Variants in ITPRIPL1 observed in about 807,000 individuals in gnomAD.
The protein encoded by ITPRIPL1 is inositol 1,4,5-trisphosphate receptor-interacting protein-like 1.
Under a neutral mutation model 40.0 loss-of-function variants are expected in ITPRIPL1, and 28 were observed. The observed-to-expected ratio is 0.70, with a 90% CI of 0.52 to 0.96. The LOEUF (loss-of-function observed/expected upper bound fraction) is 0.96. Among genes scored for constraint, ITPRIPL1 ranks in the 40% least tolerant of loss-of-function variants. The probability of loss-of-function intolerance (pLI) is 0.00; values close to 1 mark genes in which losing one functional copy is unlikely to be tolerated. For missense variants in ITPRIPL1, 638 were observed against 698.0 expected (o/e 0.91, Z 0.97); for synonymous variants, 251 against 275.7 (o/e 0.91, Z 0.89).
Position 96,328,084 on chromosome 2 carries a change from C to T in ITPRIPL1, c.1453C>T (p.Leu485Phe), listed in dbSNP as rs747466465. The T allele has an allele frequency of 1.2e-6, 2 of 1,614,068 alleles. No homozygotes were observed. The highest frequency in any genetic ancestry group is 1.3e-5 in the African/African-American group (1 of 74,916). Residue 485 changes from leucine (L) to phenylalanine (F), a missense_variant, in exon 3 of 3, where the codon CTC becomes TTC. Coordinates refer to ENST00000439118, the MANE Select transcript of ITPRIPL1 (RefSeq NM_001008949.3). ...CATTCTCTGGTTCTTGGGCCGTGGC[C>T]TCCAGCAAAGGTCCCTCCATCATTT... ...QDILWFLGRG[L>F]QQRSLHHFLI...
Position 96,328,276 on chromosome 2 carries a change from G to T in ITPRIPL1, c.1645G>T (p.Ala549Ser). 1 of 1,613,232 alleles carries T rather than the reference G, an allele frequency of 6.2e-7. No homozygotes were observed. Among genetic ancestry groups the T allele is most frequent in the Non-Finnish European group, 8.5e-7 (1 of 1,179,542 alleles). Residue 549 changes from alanine to serine, a missense_variant, in exon 3 of 3, where the codon GCC becomes TCC. By Grantham distance (99) the Ala-to-Ser change is moderately conservative. Transcript: ENST00000439118. ...LLTQVKTLPH[A>S]PLAAAP is the part of the protein sequence containing the mutation. The stretch of plus-strand genomic sequence containing the variant: ...GACCCAGGTGAAAACTCTGCCTCAT[G>T]CCCCACTGGCTGCAGCACCTTGATG...
downstream of ITPRIPL1, chr2:96,330,437 C>T (rs1573051697): frequency 6.6e-6 from 1 of 152,072 alleles, no homozygotes; most frequent in South Asian, 2.1e-4. Context: ...GCAACATTCA[C>T]ATACTTTTTG....
At chr2:96,326,370 A>G (rs1453412885) in intron 2 of ITPRIPL1, 4 of 1,511,926 alleles carry the variant, frequency 2.6e-6, no homozygotes, top group Non-Finnish European at 3.5e-6. Flanking sequence ...AAACAGTCCC[A>G]TGTACACTTT....
At chr2:96,330,261 A>C (rs1001843075), downstream of ITPRIPL1, 2 of 149,900 alleles carry the variant, frequency 1.3e-5, no homozygotes, top group Non-Finnish European at 3.0e-5. Context: ...AAAAAAAAAA[A>C]AAAAAAAAAA....
downstream of ITPRIPL1, chr2:96,329,450 G>C (rs186348589): frequency 7.9e-5 from 12 of 151,964 alleles, no homozygotes; most frequent in Admixed American, 3.3e-4. Flanking sequence ...TGGGGGCTCT[G>C]AGATGAATAA....
At position 96,327,570 on chromosome 2, in the gene ITPRIPL1, A is replaced by C; in HGVS notation, c.939A>C (p.Leu313=). 6.2e-7 allele frequency: 1 copy of C among 1,612,134 alleles called. No individual in the cohort carries two copies. Among genetic ancestry groups the C allele is most frequent in the Middle Eastern group, 1.7e-4 (1 of 6,036 alleles). The change falls in exon 3 of 3, where the codon CTA becomes CTC. Residue 313 remains leucine (L), a synonymous_variant. Transcript: ENST00000439118. The part of the protein sequence containing the change: ...IKAALCTGFH[L]DVCKTVQWFR... Reference sequence around the variant, plus strand: ...CAGCTCTCTGCACCGGCTTCCACCTAGACGTGTGCAAGACTGTGCAGTGGT... The same window carrying C: ...CAGCTCTCTGCACCGGCTTCCACCTCGACGTGTGCAAGACTGTGCAGTGGT...
chr2:96,329,943 A>T (rs544114923), downstream of ITPRIPL1: 4 of 152,158 alleles, frequency 2.6e-5, no homozygotes, highest in East Asian at 1.9e-4. Context: ...CCTCTCCTCC[A>T]GCAAAAATAA....
At chr2:96,330,141 G>A (rs1370082875), downstream of ITPRIPL1, 1 of 150,620 alleles carries the variant, frequency 6.6e-6, no homozygotes, top group Non-Finnish European at 1.5e-5. Flanking sequence ...CTACTCTGGA[G>A]GTTGAGGCGG....
downstream of ITPRIPL1, chr2:96,330,287 A>G (rs1049256079): frequency 9.0e-5 from 13 of 143,998 alleles, no homozygotes; most frequent in Admixed American, 6.4e-4. Context: ...AGGTTCCCAG[A>G]AGCTGATGCC....
rs147974893 is a variant in ITPRIPL1 at position 96,325,461 on chromosome 2, G to A, written c.-198G>A. The A allele has an allele frequency of 3.8e-3, 1,251 of 325,958 alleles. 15 individuals are homozygous for A. Among genetic ancestry groups the A allele is most frequent in the African/African-American group, 0.024 (1,130 of 46,894 alleles). 20.2% of individuals were successfully genotyped at this position (325,958 alleles called of 1,614,324 possible). A position where few individuals can be genotyped will look rare whatever the true frequency, so the allele number is the denominator to read the frequency against. On this transcript the variant is annotated 5_prime_UTR_variant, in exon 1 of 3. Transcript: ENST00000439118. ...GAAAGGGGAGCAGGGCCACTCCCGC[G>A]GGCGGCCCCAGCGATGAACCGGACG...
In ITPRIPL1 at chr2:96,325,795, A is replaced by T. The variant is rs1365996166; in HGVS notation, c.-45A>T. On this transcript the variant is annotated 5_prime_UTR_variant, in exon 2 of 3. Transcript: ENST00000439118. ...CGAAGCAAGGCCAAGTTCCAAAGGG[A>T]GGATAGGCCCAGCTGGCTTCAGCGT... 2 of 1,610,520 alleles carry T rather than the reference A, an allele frequency of 1.2e-6. No individual in the cohort carries two copies. Among genetic ancestry groups the T allele is most frequent in the Admixed American group, 3.3e-5 (2 of 60,014 alleles).
At position 96,325,410 on chromosome 2, in the gene ITPRIPL1, T is replaced by C. The variant is rs956250621; in HGVS notation, c.-249T>C. ...CGCGCTCAGCCAGACGTTCAGACGC[T>C]CGGACAAGCATGGTCTATAACCCAG... On this transcript the variant is annotated 5_prime_UTR_variant, in exon 1 of 3. Transcript: ENST00000439118. The C allele has an allele frequency of 6.0e-6, 1 of 167,662 alleles. No homozygotes were observed. The highest frequency in any genetic ancestry group is 6.0e-5 in the Admixed American group (1 of 16,762). 10.4% of individuals were successfully genotyped at this position (167,662 alleles called of 1,614,324 possible). A position where few individuals can be genotyped will look rare whatever the true frequency, so the allele number is the denominator to read the frequency against.
chr2:96,326,609 T>C (rs757822550), intron 2 of ITPRIPL1, 33 bp from the exon 3 acceptor site: 2 of 1,613,742 alleles, frequency 1.2e-6, no homozygotes, highest in East Asian at 2.2e-5. Flanking sequence ...GTCTGGAAGA[T>C]GACCACTGAC....
Position 96,327,221 on chromosome 2 carries a change from TC to T in ITPRIPL1, c.591del (p.Ile198LeufsTer56). 1 of 1,614,098 alleles carries T rather than the reference TC, an allele frequency of 6.2e-7. No individual in the cohort carries two copies. The highest frequency in any genetic ancestry group is 8.5e-7 in the Non-Finnish European group (1 of 1,180,016). On this transcript the variant is annotated frameshift_variant, in exon 3 of 3. Coordinates refer to ENST00000439118, the MANE Select transcript of ITPRIPL1 (RefSeq NM_001008949.3). LOFTEE classifies it high-confidence loss of function. ...CEFVESFVDDLIEACRVLSRQ... is the reference protein window; with the variant it reads ...CEFVESFVDDXIEACRVLSRQ... ...TTTGTGGAGAGTTTTGTGGATGATC[TC>T]ATTGAGGCCTGTCGGGTGCTCAGCC... is the stretch of plus-strand genomic sequence containing the variant.
At chr2:96,326,135 T>C (rs1480066187) in intron 2 of ITPRIPL1, 5 of 1,486,534 alleles carry the variant, frequency 3.4e-6, no homozygotes, top group Middle Eastern at 1.7e-4. Flanking sequence ...GCTCACTTCA[T>C]ACTGGGTGAG....
intron 2 of ITPRIPL1, 123 bp downstream of exon 2, chr2:96,325,972 GAC>G: frequency 8.1e-7 from 1 of 1,227,378 alleles, no homozygotes; most frequent in Non-Finnish European, 1.2e-6. Context: ...TGGTTCTGCA[GAC>G]AGTTTTCTGA....
rs1224113363 is a variant in ITPRIPL1 at position 96,325,747 on chromosome 2, G to A, written c.-93G>A. 17 of 1,314,616 alleles carry A rather than the reference G, an allele frequency of 1.3e-5. No individual in the cohort carries two copies. Among genetic ancestry groups the A allele is most frequent in the Admixed American group, 1.7e-5 (1 of 58,964 alleles). 81.4% of individuals were successfully genotyped at this position (1,314,616 alleles called of 1,614,324 possible). A position where few individuals can be genotyped will look rare whatever the true frequency, so the allele number is the denominator to read the frequency against. On this transcript the variant is annotated splice_region_variant and 5_prime_UTR_variant, in exon 2 of 3. Transcript: ENST00000439118. ...CCAGGTACCTTGTACATTTTAACAGGGCTCCTAGAGAGGGCGGGGAGACGA... is the reference window on the plus strand; with the variant it reads ...CCAGGTACCTTGTACATTTTAACAGAGCTCCTAGAGAGGGCGGGGAGACGA...
chr2:96,328,805 T>C (rs1320673784), downstream of ITPRIPL1: 1 of 152,962 alleles, frequency 6.5e-6, no homozygotes, highest in East Asian at 1.9e-4. Flanking sequence ...CTTCTCATAA[T>C]TTACGATCTA....
chr2:96,329,933 C>A (rs1558782826), downstream of ITPRIPL1: 1 of 152,026 alleles, frequency 6.6e-6, no homozygotes, highest in South Asian at 2.1e-4. Flanking sequence ...GAATACACAC[C>A]CTCTCCTCCA....
Sources: gnomAD v4.1 joint callset for allele counts on GRCh38, gnomAD v4.1.1 for gene constraint, MANE v1.5 for transcripts, NCBI Gene and HGNC (gene_info 2026-07-23, HGNC 2026-07-21) for gene names.